Variants in PLCH1 observed in about 807,000 individuals in gnomAD.
The protein encoded by PLCH1 is phospholipase C eta 1.
A neutral mutation model predicts 126.7 loss-of-function variants in PLCH1; 60 were observed. That is an observed-to-expected ratio of 0.47 (90% CI 0.38 to 0.59). The LOEUF is 0.59. Among genes scored for constraint, PLCH1 ranks in the 20% least tolerant of loss-of-function variants. The pLI is 0.00. For missense variants in PLCH1, 1,723 were observed against 2,040.0 expected (o/e 0.84, Z 2.99); for synonymous variants, 719 against 734.9 (o/e 0.98, Z 0.35).
Position 155,583,574 on chromosome 3 carries a change from C to T in PLCH1, c.669G>A (p.Met223Ile). The T allele has an allele frequency of 6.2e-7, 1 of 1,602,814 alleles. No homozygotes were observed. ...ACAAATAAAGGTCTCGTCTCAAAGA[C>T]ATCATTTTGTAAAAAACACAGAACT... is the stretch of plus-strand genomic sequence containing the variant. ...FEEFCVFYKM[M>I]SLRRDLYLLL... The change falls in exon 6 of 23, where the codon ATG becomes ATA. Residue 223 changes from methionine (M) to isoleucine (I), a missense_variant. Physicochemically the swap from Met to Ile is conservative, Grantham distance 10 (BLOSUM62 1). Transcript: ENST00000460012.
intron 4 of PLCH1, among the ~76,000 whole-genome samples, chr3:155,592,339 A>T (rs1185638942): frequency 1.3e-5 from 2 of 150,646 alleles, no homozygotes; most frequent in Non-Finnish European, 3.0e-5. Context: ...AAAAAAAAAA[A>T]AAAAAATTAG....
chr3:155,632,670 C>G (rs993095667), intron 2 of PLCH1, among the ~76,000 whole-genome samples: 6 of 152,132 alleles, frequency 3.9e-5, no homozygotes, highest in Non-Finnish European at 8.8e-5. Context: ...GTTCCTCATA[C>G]AATTTTTCTA....
chr3:155,736,705 T>A (rs1365623784), intron 1 of PLCH1, among the ~76,000 whole-genome samples: 2 of 152,186 alleles, frequency 1.3e-5, no homozygotes, highest in African/African-American at 4.8e-5. Flanking sequence ...ACACTAGTTT[T>A]AAAAATTATA....
At chr3:155,588,577 G>A (rs1282146525) in intron 4 of PLCH1, among the ~76,000 whole-genome samples, 1 of 152,108 alleles carries the variant, frequency 6.6e-6, no homozygotes, top group Admixed American at 6.5e-5. Flanking sequence ...GCCTCTCAAA[G>A]TCTTCTCCAG....
chr3:155,538,723 CCAA>C (rs1198915719), intron 10 of PLCH1, among the ~76,000 whole-genome samples: 1 of 151,980 alleles, frequency 6.6e-6, no homozygotes, highest in Non-Finnish European at 1.5e-5. Context: ...TCTGAACAAA[CCAA>C]CAACAAGCAG....
At chr3:155,498,308 A>G (rs1308136403) in intron 14 of PLCH1, among the ~76,000 whole-genome samples, 1 of 152,212 alleles carries the variant, frequency 6.6e-6, no homozygotes, top group East Asian at 1.9e-4. Context: ...AAAGGTGAAA[A>G]TGTTTGACTT....
intron 2 of PLCH1, among the ~76,000 whole-genome samples, chr3:155,619,966 C>T (rs900206724): frequency 1.3e-5 from 2 of 152,152 alleles, no homozygotes; most frequent in Non-Finnish European, 2.9e-5. Context: ...AAACCTTTGT[C>T]CTAATATCAT....
chr3:155,485,453 G>C lies in PLCH1; in HGVS notation c.2877C>G (p.Arg959=). Residue 959 remains arginine (R), a synonymous_variant, in exon 22 of 23, where the codon CGC becomes CGG. Coordinates refer to ENST00000460012, the MANE Select transcript of PLCH1 (RefSeq NM_014996.4). ...TTCTGTCAACAGGCATAGAGACAGG[G>C]CGTGCTTGCAAACTGCGTGTGGTCC... ...LRRTTRSLQA[R]PVSMPVDRNL... 5.6e-6 allele frequency: 9 copies of C among 1,614,102 alleles called. No individual in the cohort carries two copies. Among genetic ancestry groups the C allele is most frequent in the Non-Finnish European group, 7.6e-6 (9 of 1,179,952 alleles).
In PLCH1 at chr3:155,583,636, C is replaced by T. The variant is rs143246976; in HGVS notation, c.607G>A (p.Asp203Asn). Residue 203 changes from aspartate (D) to asparagine (N), a missense_variant, in exon 6 of 23, where the codon GAC becomes AAC. Transcript: ENST00000460012. ...RKVRQMFQEA[D>N]TDENQGTLTF... ...AAAGTTCCCTGATTCTCATCTGTGTCGGCTTCCTGAAAAGGGCATAGAGAA... is the reference window on the plus strand; with the variant it reads ...AAAGTTCCCTGATTCTCATCTGTGTTGGCTTCCTGAAAAGGGCATAGAGAA... The T allele has an allele frequency of 1.1e-4, 165 of 1,560,534 alleles. No homozygotes were observed. The highest frequency in any genetic ancestry group is 3.1e-4 in the East Asian group (13 of 42,138).
intron 2 of PLCH1, among the ~76,000 whole-genome samples, chr3:155,667,970 A>T (rs1742957680): frequency 6.7e-6 from 1 of 150,242 alleles, no homozygotes; most frequent in Admixed American, 6.6e-5. Context: ...CTGTAATCCC[A>T]GCTACTCAGG....
chr3:155,642,091 C>A (rs1437137985), intron 2 of PLCH1, among the ~76,000 whole-genome samples: 1 of 152,142 alleles, frequency 6.6e-6, no homozygotes, highest in Non-Finnish European at 1.5e-5. Flanking sequence ...CAGTGCTTTG[C>A]ATGCTTGGAG....
At chr3:155,458,437 GGAAGGAAGGAAGGAAGGAAA>G (rs1393419240) in intron 21 of PLCH1, among the ~76,000 whole-genome samples, 734 of 73,358 alleles carry the variant, frequency 0.01, 12 homozygotes, top group Admixed American at 0.041. Context: ...AAGGAAGGAA[GGAAGGAAGGAAGGAAGGAAA>G]GAAAGAAAGA....
chr3:155,526,393 TTTCTCTCTCTC>T (rs1369637279), intron 10 of PLCH1, among the ~76,000 whole-genome samples: 248 of 96,842 alleles, frequency 2.6e-3, no homozygotes, highest in African/African-American at 0.013. Flanking sequence ...CTCTCTCTTC[TTTCTCTCTCTC>T]TCTTTCTCTC....
At chr3:155,689,514 A>G (rs1487579218) in intron 2 of PLCH1, among the ~76,000 whole-genome samples, 1 of 152,134 alleles carries the variant, frequency 6.6e-6, no homozygotes, top group Non-Finnish European at 1.5e-5. Flanking sequence ...GTTTTGAGGA[A>G]AAGTCAGAGA....
intron 6 of PLCH1, among the ~76,000 whole-genome samples, chr3:155,570,553 T>TCAACCC (rs1729066678): frequency 6.6e-6 from 1 of 152,206 alleles, no homozygotes; most frequent in Non-Finnish European, 1.5e-5. Context: ...TATAATGCTG[T>TCAACCC]CAATGTGCAG....
intron 10 of PLCH1, among the ~76,000 whole-genome samples, chr3:155,539,356 G>T (rs1576949727): frequency 6.6e-6 from 1 of 152,224 alleles, no homozygotes; most frequent in East Asian, 1.9e-4. Flanking sequence ...AGACAAGGAT[G>T]CCCACTTTCA....
intron 6 of PLCH1, among the ~76,000 whole-genome samples, chr3:155,580,200 T>C (rs974943993): frequency 6.6e-6 from 1 of 152,228 alleles, no homozygotes; most frequent in Non-Finnish European, 1.5e-5. Context: ...ATCTTTTATA[T>C]AGCATTATGG....
At chr3:155,530,183 G>C (rs181108913) in intron 10 of PLCH1, among the ~76,000 whole-genome samples, 1 of 152,180 alleles carries the variant, frequency 6.6e-6, no homozygotes, top group Non-Finnish European at 1.5e-5. Context: ...GGCAAAATTG[G>C]AGTAAATGCT....
chr3:155,675,234 C>T (rs991477451), intron 2 of PLCH1, among the ~76,000 whole-genome samples: 5 of 152,240 alleles, frequency 3.3e-5, no homozygotes, highest in Admixed American at 1.3e-4. Context: ...TTTGAGTAGA[C>T]GCATATGAAT....
Sources: gnomAD v4.1 joint callset for allele counts (sites outside exome capture counted in the v4.1 genomes callset) on GRCh38, gnomAD v4.1.1 for gene constraint, MANE v1.5 for transcripts, NCBI Gene and HGNC (gene_info 2026-07-23, HGNC 2026-07-21) for gene names.